The following CCDC120 variants were observed in gnomAD, a reference collection of about 807,000 sequenced individuals.
CCDC120 encodes coiled-coil domain containing 120.
Under a neutral mutation model 37.6 loss-of-function variants are expected in CCDC120, and 16 were observed. That is an observed-to-expected ratio of 0.43 (90% CI 0.29 to 0.65). The LOEUF (loss-of-function observed/expected upper bound fraction) is 0.65. CCDC120 is among the 30% of genes least tolerant of loss of function. The pLI, the probability that CCDC120 is intolerant of heterozygous loss-of-function variation, is 0.18. For missense variants in CCDC120, 650 were observed against 657.4 expected (o/e 0.99, Z 0.12); for synonymous variants, 309 against 275.4 (o/e 1.12, Z -1.21).
chrX:49,057,539 G>A (rs1171671583), upstream of CCDC120, among the ~76,000 whole-genome samples: 1 of 112,490 alleles, frequency 8.9e-6, no homozygotes, highest in African/African-American at 3.2e-5. Context: ...ACCACTGCCC[G>A]CCCCAGGCAG....
intron 1 of CCDC120, among the ~76,000 whole-genome samples, chrX:49,061,529 G>A (rs2064886054): frequency 8.9e-6 from 1 of 112,640 alleles, no homozygotes; most frequent in Non-Finnish European, 1.9e-5. Flanking sequence ...TCTCTTGTTG[G>A]ACAACCGTTT....
In CCDC120 at chrX:49,065,578, T is replaced by A; in HGVS notation, c.912T>A (p.Asp304Glu). 8.3e-7 allele frequency: 1 copy of A among 1,210,258 alleles called. No individual in the cohort carries two copies. The highest frequency in any genetic ancestry group is 1.1e-6 in the Non-Finnish European group (1 of 894,989). The part of the protein sequence containing the change: ...RRTPWKPPPS[D>E]LYGDLKSRRN... ...CCCCATGGAAACCACCTCCATCAGA[T>A]CTTTATGGGGATCTGAAGAGCCGGC... Residue 304 changes from aspartate to glutamate, a missense_variant, in exon 8 of 11, where the codon GAT becomes GAA. Asp to Glu is a conservative substitution (Grantham distance 45). Around this residue, in one of 3 missense-constraint regions of CCDC120, gnomAD observed 576 missense variants for 565.3 expected, o/e 1.02. Transcript: ENST00000603986.
rs1557080467 is a variant in CCDC120 at position 49,064,478 on chromosome X, C to T, written c.538C>T (p.Arg180Cys). The T allele has an allele frequency of 1.2e-5, 14 of 1,182,351 alleles. No homozygotes were observed. The highest frequency in any genetic ancestry group is 1.1e-4 in the South Asian group (6 of 53,725). ...TGATCTGAGCACCGAGCAGCGCCGG[C>T]GCCGGCGCCAGGTCCAGGCAGATGC... ...APDLSTEQRR[R>C]RRQVQADALR... The change falls in exon 6 of 11, where the codon CGC becomes TGC. Residue 180 changes from arginine to cysteine, a missense_variant. Physicochemically the swap from Arg to Cys is radical, Grantham distance 180. Coordinates refer to ENST00000603986, the MANE Select transcript of CCDC120 (RefSeq NM_001163321.4).
At chrX:49,055,475 CCTT>C (rs1327662041), upstream of CCDC120, among the ~76,000 whole-genome samples, 6 of 111,619 alleles carry the variant, frequency 5.4e-5, no homozygotes, top group Admixed American at 1.9e-4. Flanking sequence ...GATTCATCCT[CCTT>C]CTCTCAGCAG....
intron 1 of CCDC120, 133 bp downstream of exon 1, chrX:49,059,228 G>GGGT: frequency 3.0e-6 from 1 of 333,070 alleles, no homozygotes. Context: ...ATGCAGGGCA[G>GGGT]GGTGGTGGTG....
chrX:49,063,968 C>T lies in CCDC120; in HGVS notation c.396C>T (p.Pro132=). The T allele has an allele frequency of 1.7e-6, 2 of 1,206,864 alleles. No individual in the cohort carries two copies. Among genetic ancestry groups the T allele is most frequent in the Admixed American group, 2.2e-5 (1 of 45,481 alleles). The part of the protein sequence containing the change: ...PTARAYPPPH[P]NQAHHSLCPA... ...CCCGCGCCTACCCTCCACCGCACCCCAACCAAGCACACCACTCCTTGTGCC... is the reference window on the plus strand; with the variant it reads ...CCCGCGCCTACCCTCCACCGCACCCTAACCAAGCACACCACTCCTTGTGCC... The change falls in exon 5 of 11, where the codon CCC becomes CCT. Residue 132 remains proline (P), a synonymous_variant. Coordinates refer to ENST00000603986, the MANE Select transcript of CCDC120 (RefSeq NM_001163321.4).
chrX:49,063,078 C>G (rs1289405036), intron 4 of CCDC120, among the ~76,000 whole-genome samples: 1 of 109,967 alleles, frequency 9.1e-6, no homozygotes, highest in Non-Finnish European at 1.9e-5. Context: ...CCTATAGTTC[C>G]AGCTACTCGG....
In CCDC120 at chrX:49,067,613, T is replaced by A. The variant is rs782616085; in HGVS notation, c.1499T>A (p.Leu500Gln). The change falls in exon 10 of 11, where the codon CTG becomes CAG. Residue 500 changes from leucine (L) to glutamine (Q), a missense_variant. By Grantham distance (113) the Leu-to-Gln change is moderately radical. Coordinates refer to ENST00000603986, the MANE Select transcript of CCDC120 (RefSeq NM_001163321.4). ...GGCGGTGGAACAGGCTGGGGGGAGC[T>A]GCCGCCTGCAGCTGAGGTCCCAGGA... ...RSGGGTGWGELPPAAEVPGPL... is the reference protein window; with the variant it reads ...RSGGGTGWGEQPPAAEVPGPL... The A allele has an allele frequency of 6.7e-6, 8 of 1,186,096 alleles. No individual in the cohort carries two copies. The South Asian group carries it at 1.5e-4, about 22-fold the overall frequency.
intron 1 of CCDC120, chrX:49,059,408 C>T (rs1341535303): frequency 1.4e-6 from 1 of 724,284 alleles, no homozygotes; most frequent in African/African-American, 2.3e-5. Context: ...TGCTTCCTTT[C>T]CTCCCCGCCA....
Position 49,059,329 on chromosome X carries a change from C to T in CCDC120, c.-84+234C>T, listed in dbSNP as rs1011956035. 1.2e-4 allele frequency: 92 copies of T among 752,659 alleles called. No homozygotes were observed. In the Middle Eastern group the frequency reaches 2.3e-3, roughly 19 times the overall value. The allele number at this position is 752,659 out of a possible 1,213,427, so 62.0% of individuals were successfully genotyped here. A position where few individuals can be genotyped will look rare whatever the true frequency, so the allele number is the denominator to read the frequency against. ...CCTTTCCTGGCACCAAGCCGATTCCCGGCCGGAAATGGACGAGGAGGGATC... is the reference window on the plus strand; with the variant it reads ...CCTTTCCTGGCACCAAGCCGATTCCTGGCCGGAAATGGACGAGGAGGGATC... On this transcript the variant is annotated intron_variant, in intron 1 of 10. Transcript: ENST00000603986.
Position 49,067,457 on chromosome X carries a change from G to A in CCDC120, c.1343G>A (p.Gly448Asp). 1 of 1,186,658 alleles carries A rather than the reference G, an allele frequency of 8.4e-7. No homozygotes were observed. Among genetic ancestry groups the A allele is most frequent in the Admixed American group, 2.2e-5 (1 of 44,720 alleles). ...PTPAFSSRTA[G>D]PPDPPRAARP... ...CCTGCCTTCTCCTCCCGCACAGCAG[G>A]CCCCCCAGACCCTCCCCGGGCCGCC... The change falls in exon 10 of 11, where the codon GGC becomes GAC. Residue 448 changes from glycine to aspartate, a missense_variant. By Grantham distance (94) the Gly-to-Asp change is moderately conservative (BLOSUM62 -1). Around this residue, in one of 3 missense-constraint regions of CCDC120, gnomAD observed 576 missense variants for 565.3 expected, o/e 1.02. Transcript: ENST00000603986.
Position 49,067,919 on chromosome X carries a change from C to T in CCDC120, c.1805C>T (p.Ser602Leu), listed in dbSNP as rs1282096750. The T allele has an allele frequency of 1.6e-5, 19 of 1,156,193 alleles. No individual in the cohort carries two copies. The highest frequency in any genetic ancestry group is 3.3e-5 in the East Asian group (1 of 30,499). ...CTGCGGGACTGGTACATCCGGAACT[C>T]GGGACTGGCTGCGGGGCCCCAGCGC... ...EGLRDWYIRNSGLAAGPQRRP... is the reference protein window; with the variant it reads ...EGLRDWYIRNLGLAAGPQRRP... Residue 602 changes from serine to leucine, a missense_variant, in exon 10 of 11, where the codon TCG becomes TTG. Transcript: ENST00000603986.
chrX:49,066,016 G>C (rs1037926121), intron 9 of CCDC120, among the ~76,000 whole-genome samples, 171 bp downstream of exon 9: 1 of 111,757 alleles, frequency 8.9e-6, no homozygotes, highest in Admixed American at 9.5e-5. Flanking sequence ...TGAGGTCAGG[G>C]GTTCAAGACC....
Position 49,067,674 on chromosome X carries a change from C to T in CCDC120, c.1560C>T (p.Leu520=), listed in dbSNP as rs2064974665. Residue 520 remains leucine, a synonymous_variant, in exon 10 of 11, where the codon CTC becomes CTT. Coordinates refer to ENST00000603986, the MANE Select transcript of CCDC120 (RefSeq NM_001163321.4). ...LSRRDGLLTM[L]PGPPPVYAAD... Reference sequence around the variant, plus strand: ...GCCGGGATGGGCTCCTCACCATGCTCCCCGGCCCACCACCTGTGTATGCAG... The same window carrying T: ...GCCGGGATGGGCTCCTCACCATGCTTCCCGGCCCACCACCTGTGTATGCAG... 1 of 1,201,391 alleles carries T rather than the reference C, an allele frequency of 8.3e-7. No homozygotes were observed. The highest frequency in any genetic ancestry group is 1.7e-5 in the African/African-American group (1 of 57,258).
chrX:49,067,190 A>T lies in CCDC120; in HGVS notation c.1076A>T (p.His359Leu). The change falls in exon 10 of 11, where the codon CAT (histidine) becomes CTT (leucine). Residue 359 changes from histidine to leucine, a missense_variant. Coordinates refer to ENST00000603986, the MANE Select transcript of CCDC120 (RefSeq NM_001163321.4). Reference sequence around the variant, plus strand: ...TCTCACCCCAGACCTGAAGGCCTTCATTCTCGTCAGTGGTCCGGCAGCCAG... The same window carrying T: ...TCTCACCCCAGACCTGAAGGCCTTCTTTCTCGTCAGTGGTCCGGCAGCCAG... ...GPQLCKPEGLHSRQWSGSQDS... is the reference protein window; with the variant it reads ...GPQLCKPEGLLSRQWSGSQDS... 8.3e-7 allele frequency: 1 copy of T among 1,210,534 alleles called. No individual in the cohort carries two copies. Among genetic ancestry groups the T allele is most frequent in the African/African-American group, 1.7e-5 (1 of 57,805 alleles).
upstream of CCDC120, among the ~76,000 whole-genome samples, chrX:49,058,009 C>T (rs1245676684): frequency 5.4e-5 from 6 of 111,815 alleles, no homozygotes; most frequent in Non-Finnish European, 1.1e-4. Flanking sequence ...GCATGAGCCC[C>T]CTTCCCTACT....
upstream of CCDC120, among the ~76,000 whole-genome samples, chrX:49,058,556 G>C (rs1160690715): frequency 8.9e-6 from 1 of 112,559 alleles, no homozygotes. Flanking sequence ...CCTTGGGTGG[G>C]CAGCGTCTAA....
rs1243420887 is a variant in CCDC120, at chrX:49,067,166, C to T, written c.1062-10C>T. ...GACCCTATTCCCATGACCCTCGCCT[C>T]TCACCCCAGACCTGAAGGCCTTCAT... On this transcript the variant is annotated splice_polypyrimidine_tract_variant and intron_variant, in intron 9 of 10. Coordinates refer to ENST00000603986, the MANE Select transcript of CCDC120 (RefSeq NM_001163321.4). 1 of 1,204,275 alleles carries T rather than the reference C, an allele frequency of 8.3e-7. No homozygotes were observed. Among genetic ancestry groups the T allele is most frequent in the Non-Finnish European group, 1.1e-6 (1 of 889,960 alleles).
At position 49,067,556 on chromosome X, in the gene CCDC120, A is replaced by G; in HGVS notation, c.1442A>G (p.Asp481Gly). ...LPPVCGDFLL[D>G]YSLDRGLPRS... The stretch of plus-strand genomic sequence containing the variant: ...CCTGTGTGTGGAGACTTCCTCTTGG[A>G]CTATTCCTTGGACCGGGGCCTGCCC... The change falls in exon 10 of 11, where the codon GAC becomes GGC. Residue 481 changes from aspartate to glycine, a missense_variant. Asp to Gly is a moderately conservative substitution (Grantham distance 94). This residue lies in a region of CCDC120 where 576 missense variants were observed against 565.3 expected (regional missense o/e 1.02). Transcript: ENST00000603986. 1 of 1,170,473 alleles carries G rather than the reference A, an allele frequency of 8.5e-7. No homozygotes were observed. Among genetic ancestry groups the G allele is most frequent in the Non-Finnish European group, 1.1e-6 (1 of 872,831 alleles).
Sources: gnomAD v4.1 joint callset for allele counts (sites outside exome capture counted in the v4.1 genomes callset) on GRCh38, gnomAD v4.1.1 for gene constraint, gnomAD v4.1.1 regional missense constraint, MANE v1.5 for transcripts, NCBI Gene and HGNC (gene_info 2026-07-23, HGNC 2026-07-21) for gene names.